The following MPPED2 variants were observed in gnomAD, a reference collection of about 807,000 sequenced individuals.
The protein encoded by MPPED2 is metallophosphoesterase domain containing 2, also known as metallophosphoesterase MPPED2.
A neutral mutation model predicts 33.0 loss-of-function variants in MPPED2; 5 were observed. The ratio of observed to expected loss-of-function variants is 0.15; its 90% CI spans 0.08 to 0.32. MPPED2 has a LOEUF of 0.32. Ranked by LOEUF, MPPED2 falls within the 10% of genes least tolerant of loss-of-function variation. The probability of loss-of-function intolerance (pLI) is 1.00; values close to 1 mark genes in which losing one functional copy is unlikely to be tolerated. For synonymous variants in MPPED2, 136 were observed against 141.9 expected (o/e 0.96, Z 0.29); for missense variants, 275 against 372.1 (o/e 0.74, Z 2.15).
At chr11:30,429,678 C>T (rs147508226) in intron 4 of MPPED2, among the ~76,000 whole-genome samples, 84 of 152,228 alleles carry the variant, frequency 5.5e-4, no homozygotes, top group African/African-American at 1.7e-3. Flanking sequence ...TGAGGCAATG[C>T]CCCACTCTTC....
intron 4 of MPPED2, among the ~76,000 whole-genome samples, chr11:30,471,450 T>A (rs1950940677): frequency 6.6e-6 from 1 of 152,222 alleles, no homozygotes; most frequent in Non-Finnish European, 1.5e-5. Flanking sequence ...TCCTGCATTC[T>A]AACTTGCTTC....
chr11:30,431,303 G>A lies in MPPED2; in HGVS notation c.537-13670C>T, dbSNP rs1248594105. On this transcript the variant is annotated intron_variant, in intron 4 of 6. Coordinates refer to ENST00000358117, the MANE Select transcript of MPPED2 (RefSeq NM_001584.3). ...TGTTGGCTCCACTTAACACTAGGTA[G>A]CACTTAACAGTGCAGCTCTGAAGTC... 2.0e-5 allele frequency among the ~76,000 whole-genome samples: 3 copies of A among 152,326 alleles called. No homozygotes were observed. The East Asian group carries it at 5.8e-4, about 29-fold the overall frequency.
At chr11:30,488,877 C>A (rs1951850403) in intron 4 of MPPED2, among the ~76,000 whole-genome samples, 1 of 152,056 alleles carries the variant, frequency 6.6e-6, no homozygotes, top group Non-Finnish European at 1.5e-5. Flanking sequence ...CACACACACA[C>A]AAGACCTTTT....
intron 4 of MPPED2, among the ~76,000 whole-genome samples, chr11:30,426,896 A>G (rs1948863073): frequency 6.6e-6 from 1 of 152,158 alleles, no homozygotes; most frequent in Non-Finnish European, 1.5e-5. Flanking sequence ...ATTCCATAAT[A>G]AGGCCCTGCA....
At chr11:30,548,851 G>C (rs192466908) in intron 2 of MPPED2, among the ~76,000 whole-genome samples, 3 of 152,242 alleles carry the variant, frequency 2.0e-5, no homozygotes, top group Admixed American at 2.0e-4. Context: ...CAGGTGACCT[G>C]AATTTTTCTA....
At chr11:30,519,250 CAG>C (rs1953710115) in intron 3 of MPPED2, among the ~76,000 whole-genome samples, 1 of 151,990 alleles carries the variant, frequency 6.6e-6, no homozygotes, top group Non-Finnish European at 1.5e-5. Context: ...GCCTGGGAAA[CAG>C]AGCAAGATCC....
chr11:30,554,852 C>T (rs528193342), intron 2 of MPPED2, among the ~76,000 whole-genome samples: 1 of 152,238 alleles, frequency 6.6e-6, no homozygotes, highest in South Asian at 2.1e-4. Context: ...TTAGGCCTGA[C>T]GTCACATGCT....
chr11:30,559,600 T>C (rs992148823), intron 2 of MPPED2, among the ~76,000 whole-genome samples: 5 of 152,186 alleles, frequency 3.3e-5, no homozygotes, highest in Admixed American at 3.3e-4. Context: ...TTTTAAATAA[T>C]ATGGGAACAC....
Position 30,542,665 on chromosome 11 carries a change from T to C in MPPED2, c.129-6490A>G, listed in dbSNP as rs150381876. 5.8e-3 allele frequency among the ~76,000 whole-genome samples: 881 copies of C among 152,036 alleles called. 10 individuals carry two copies. Among genetic ancestry groups the C allele is most frequent in the African/African-American group, 0.02 (850 of 41,498 alleles). ...ATAAAAATAAAATAAAATAAACATG[T>C]AAGTGTTCAATTTTTGTTTAAGGTA... On this transcript the variant is annotated intron_variant, in intron 2 of 6. Coordinates refer to ENST00000358117, the MANE Select transcript of MPPED2 (RefSeq NM_001584.3).
At chr11:30,440,287 G>T (rs189584736) in intron 4 of MPPED2, among the ~76,000 whole-genome samples, 1 of 150,230 alleles carries the variant, frequency 6.7e-6, no homozygotes, top group Non-Finnish European at 1.5e-5. Context: ...CCGAGGTCGC[G>T]CCACTGCACT....
At chr11:30,526,867 C>T (rs1954216715) in intron 3 of MPPED2, among the ~76,000 whole-genome samples, 1 of 151,888 alleles carries the variant, frequency 6.6e-6, no homozygotes, top group African/African-American at 2.4e-5. Flanking sequence ...GAAAAGTTGC[C>T]AGGTATCAAT....
At chr11:30,551,525 T>A (rs533703795) in intron 2 of MPPED2, among the ~76,000 whole-genome samples, 6 of 152,338 alleles carry the variant, frequency 3.9e-5, no homozygotes, top group Non-Finnish European at 8.8e-5. Flanking sequence ...CTAATAAATT[T>A]ATGAATTCTA....
chr11:30,582,323 C>A (rs549363582), intron 1 of MPPED2, among the ~76,000 whole-genome samples: 1 of 152,202 alleles, frequency 6.6e-6, no homozygotes, highest in African/African-American at 2.4e-5. Context: ...GCCATCAAAG[C>A]ACAGAGGGGG....
At chr11:30,497,447 C>T (rs1952323129) in intron 3 of MPPED2, among the ~76,000 whole-genome samples, 1 of 152,156 alleles carries the variant, frequency 6.6e-6, no homozygotes, top group African/African-American at 2.4e-5. Flanking sequence ...TCTTCCAAGG[C>T]CGGTCCTTAC....
intron 4 of MPPED2, among the ~76,000 whole-genome samples, chr11:30,445,982 T>C (rs535792334): frequency 6.6e-6 from 1 of 152,346 alleles, no homozygotes; most frequent in South Asian, 2.1e-4. Flanking sequence ...GTGTCACTAT[T>C]ACCATCTCTA....
intron 3 of MPPED2, among the ~76,000 whole-genome samples, chr11:30,500,421 T>C (rs1406134267): frequency 1.3e-5 from 2 of 152,248 alleles, no homozygotes; most frequent in Non-Finnish European, 2.9e-5. Flanking sequence ...TTACTGTGCT[T>C]CTCACATTTC....
intron 2 of MPPED2, among the ~76,000 whole-genome samples, chr11:30,569,381 G>A (rs1453681271): frequency 6.6e-6 from 1 of 152,160 alleles, no homozygotes; most frequent in Non-Finnish European, 1.5e-5. Context: ...CATTATGGAA[G>A]AATTAAGAAT....
intron 4 of MPPED2, among the ~76,000 whole-genome samples, chr11:30,420,534 G>T (rs974861172): frequency 3.3e-5 from 5 of 152,198 alleles, no homozygotes; most frequent in African/African-American, 1.2e-4. Flanking sequence ...TACCTACAAC[G>T]TCTGAGCTGC....
intron 2 of MPPED2, among the ~76,000 whole-genome samples, chr11:30,547,394 T>A (rs1955478513): frequency 6.6e-6 from 1 of 152,224 alleles, no homozygotes. Flanking sequence ...CAGTATTTAC[T>A]ATGTGCCAGG....
Sources: gnomAD v4.1 joint callset for allele counts (sites outside exome capture counted in the v4.1 genomes callset) on GRCh38, gnomAD v4.1.1 for gene constraint, MANE v1.5 for transcripts, NCBI Gene and HGNC (gene_info 2026-07-23, HGNC 2026-07-21) for gene names.